GABRG3: variants seen among roughly 807,000 people sequenced by gnomAD.
GABRG3 encodes gamma-aminobutyric acid receptor subunit gamma-3.
In GABRG3, 25 loss-of-function variants were observed where a neutral mutation model predicts 48.8. The observed-to-expected ratio is 0.51, with a 90% CI of 0.37 to 0.72. The LOEUF (loss-of-function observed/expected upper bound fraction) is 0.72, where lower values mean the gene tolerates loss of function less well. GABRG3 is among the 30% of genes least tolerant of loss of function. The probability of loss-of-function intolerance (pLI) is 0.00; values close to 1 mark genes in which losing one functional copy is unlikely to be tolerated. For missense variants in GABRG3, 394 were observed against 577.9 expected (o/e 0.68, Z 3.26); for synonymous variants, 227 against 217.6 (o/e 1.04, Z -0.38).
intron 3 of GABRG3, among the ~76,000 whole-genome samples, chr15:27,086,665 C>T (rs1595515227): frequency 1.3e-5 from 2 of 152,134 alleles, no homozygotes; most frequent in South Asian, 2.1e-4. Flanking sequence ...TTTCAATGGG[C>T]GGTTTATTTG....
In GABRG3 at chr15:27,305,690, CAT is replaced by C. The variant is rs1201769707; in HGVS notation, c.271-21113_271-21112del. On this transcript the variant is annotated intron_variant, in intron 3 of 9. Transcript: ENST00000615808. ...ATAAACCTATATGTTTATATATAAACATATATAATATAAACCTATATGTTTAT... is the reference window on the plus strand; with the variant it reads ...ATAAACCTATATGTTTATATATAAACATATAATATAAACCTATATGTTTAT... Among the ~76,000 whole-genome samples the C allele has an allele frequency of 2.4e-3, 181 of 75,880 alleles. 2 individuals carry two copies. The highest frequency in any genetic ancestry group is 8.0e-3 in the African/African-American group (168 of 20,942). The allele number at this position is 75,880 out of a possible 152,430, so 49.8% of individuals were successfully genotyped here.
chr15:27,333,412 A>G (rs1162996894), intron 5 of GABRG3, among the ~76,000 whole-genome samples: 1 of 152,124 alleles, frequency 6.6e-6, no homozygotes, highest in African/African-American at 2.4e-5. Flanking sequence ...GCATTCCATA[A>G]CGTGGGTCCC....
intron 3 of GABRG3, among the ~76,000 whole-genome samples, chr15:27,035,570 G>A (rs1190355126): frequency 6.6e-6 from 1 of 152,104 alleles, no homozygotes; most frequent in Non-Finnish European, 1.5e-5. Flanking sequence ...GAAAAGGTGG[G>A]GCTGTTGGGT....
intron 6 of GABRG3, among the ~76,000 whole-genome samples, chr15:27,514,375 G>T (rs991086301): frequency 1.3e-5 from 2 of 152,170 alleles, no homozygotes; most frequent in African/African-American, 4.8e-5. Context: ...GTCTCATCTG[G>T]AGACTTGACT....
At chr15:27,027,303 C>A (rs899990322) in intron 3 of GABRG3, among the ~76,000 whole-genome samples, 1 of 152,186 alleles carries the variant, frequency 6.6e-6, no homozygotes, top group Non-Finnish European at 1.5e-5. Context: ...TATTGAAATA[C>A]GTTAGGGTGA....
At chr15:26,991,788 T>A (rs1372839999) in intron 2 of GABRG3, among the ~76,000 whole-genome samples, 2 of 152,098 alleles carry the variant, frequency 1.3e-5, no homozygotes, top group Non-Finnish European at 2.9e-5. Flanking sequence ...TGGCATGATC[T>A]CGGCTCACTG....
chr15:27,305,498 A>G (rs999997288), intron 3 of GABRG3, among the ~76,000 whole-genome samples: 3 of 146,236 alleles, frequency 2.1e-5, no homozygotes, highest in African/African-American at 7.4e-5. Flanking sequence ...TTTTATATAT[A>G]TATAAACATA....
In GABRG3 at chr15:27,056,025, G is replaced by A. The variant is rs146125035; in HGVS notation, c.270+29204G>A. 3.2e-3 allele frequency among the ~76,000 whole-genome samples: 482 copies of A among 152,172 alleles called. 8 individuals are homozygous for A. The highest frequency in any genetic ancestry group is 0.011 in the African/African-American group (452 of 41,518). On this transcript the variant is annotated intron_variant, in intron 3 of 9. Transcript: ENST00000615808. ...TAATATTTTTTAAAAATTTGCAGGA[G>A]GAGAAAAATCACAAATAGTCACAAA...
At chr15:27,048,162 C>T (rs530324255) in intron 3 of GABRG3, among the ~76,000 whole-genome samples, 27 of 152,214 alleles carry the variant, frequency 1.8e-4, no homozygotes, top group African/African-American at 6.0e-4. Context: ...CCATACCTGC[C>T]AGAGGACTGC....
intron 3 of GABRG3, among the ~76,000 whole-genome samples, chr15:27,204,045 CTTTAG>C (rs1888773783): frequency 6.6e-6 from 1 of 152,030 alleles, no homozygotes; most frequent in African/African-American, 2.4e-5. Context: ...TGCATAAACT[CTTTAG>C]TTTAATTAAG....
At chr15:27,517,662 G>A (rs983509591) in intron 6 of GABRG3, among the ~76,000 whole-genome samples, 6 of 152,116 alleles carry the variant, frequency 3.9e-5, no homozygotes, top group African/African-American at 1.4e-4. Flanking sequence ...GTGATTTATT[G>A]TCCTTTGTTT....
At chr15:27,441,673 G>C (rs930752032) in intron 5 of GABRG3, among the ~76,000 whole-genome samples, 2 of 152,084 alleles carry the variant, frequency 1.3e-5, no homozygotes, top group East Asian at 1.9e-4. Flanking sequence ...TCAAATCAGG[G>C]GGATTGGGGG....
At chr15:27,215,013 C>T (rs912805372) in intron 3 of GABRG3, among the ~76,000 whole-genome samples, 6 of 152,198 alleles carry the variant, frequency 3.9e-5, no homozygotes, top group Non-Finnish European at 7.3e-5. Context: ...ACACACACTA[C>T]GAGGATGGCC....
Position 27,288,325 on chromosome 15 carries a change from A to G in GABRG3, c.271-38484A>G, listed in dbSNP as rs113463634. 9.1e-3 allele frequency among the ~76,000 whole-genome samples: 1,390 copies of G among 152,144 alleles called. 25 individuals carry two copies. The highest frequency in any genetic ancestry group is 0.032 in the African/African-American group (1,321 of 41,492). ...TGTACTTTATTTCTATTATTGTTATATTGTAATATATAATGAAATAATTAT... is the reference window on the plus strand; with the variant it reads ...TGTACTTTATTTCTATTATTGTTATGTTGTAATATATAATGAAATAATTAT... On this transcript the variant is annotated intron_variant, in intron 3 of 9. Coordinates refer to ENST00000615808, the MANE Select transcript of GABRG3 (RefSeq NM_033223.5).
intron 3 of GABRG3, among the ~76,000 whole-genome samples, chr15:27,126,338 G>T (rs1191896343): frequency 1.3e-5 from 2 of 152,130 alleles, no homozygotes; most frequent in African/African-American, 4.8e-5. Context: ...GGCAGGGGAG[G>T]GACTCGCGAT....
chr15:27,154,843 A>C (rs1415866829), intron 3 of GABRG3, among the ~76,000 whole-genome samples: 1 of 152,056 alleles, frequency 6.6e-6, no homozygotes, highest in Non-Finnish European at 1.5e-5. Context: ...GGGCTTCATA[A>C]AATTAATTAA....
At chr15:27,127,389 A>G (rs1252408419) in intron 3 of GABRG3, among the ~76,000 whole-genome samples, 1 of 144,732 alleles carries the variant, frequency 6.9e-6, no homozygotes, top group Non-Finnish European at 1.5e-5. Context: ...TGAAATACTT[A>G]GAGTGGTCAA....
chr15:27,307,038 A>ACATGTTTATAT lies in GABRG3; in HGVS notation c.271-19771_271-19770insCATGTTTATAT, dbSNP rs1566769941. On this transcript the variant is annotated intron_variant, in intron 3 of 9. Coordinates refer to ENST00000615808, the MANE Select transcript of GABRG3 (RefSeq NM_033223.5). The stretch of plus-strand genomic sequence containing the variant: ...CATGTTTATATATAAACATGTATAA[A>ACATGTTTATAT]ATAAACATGTTTATATATAAACATG... 5.9e-5 allele frequency among the ~76,000 whole-genome samples: 5 copies of ACATGTTTATAT among 84,158 alleles called. 1 individual carries two copies. The Admixed American group carries it at 6.1e-4, about 10-fold the overall frequency. The allele number at this position is 84,158 out of a possible 152,430, so 55.2% of individuals were successfully genotyped here.
rs572840787 is a variant in GABRG3 at position 27,362,181 on chromosome 15, A to G, written c.574+33293A>G. On this transcript the variant is annotated intron_variant, in intron 5 of 9. Coordinates refer to ENST00000615808, the MANE Select transcript of GABRG3 (RefSeq NM_033223.5). ...TTCAGGAGCTCAAATTGGCTCAATTAAAATGTATGAAAAGAATGTTAAAAG... is the reference window on the plus strand; with the variant it reads ...TTCAGGAGCTCAAATTGGCTCAATTGAAATGTATGAAAAGAATGTTAAAAG... 4.6e-5 allele frequency: 7 copies of G among 152,372 alleles called. No individual in the cohort carries two copies. In the South Asian group the frequency reaches 6.2e-4, roughly 14 times the overall value. The allele number at this position is 152,372 out of a possible 1,614,324, so 9.4% of individuals were successfully genotyped here.
Sources: gnomAD v4.1 joint callset for allele counts (sites outside exome capture counted in the v4.1 genomes callset) on GRCh38, gnomAD v4.1.1 for gene constraint, MANE v1.5 for transcripts, NCBI Gene and HGNC (gene_info 2026-07-23, HGNC 2026-07-21) for gene names.